Variants in CAMSAP3 observed in about 807,000 individuals in gnomAD.
CAMSAP3 encodes the protein calmodulin-regulated spectrin-associated protein 3.
Under a neutral mutation model 112.5 loss-of-function variants are expected in CAMSAP3, and 34 were observed. The observed-to-expected ratio is 0.30, with a 90% confidence interval of 0.23 to 0.40. The LOEUF is 0.40. Ranked by LOEUF, CAMSAP3 falls within the 10% of genes least tolerant of loss-of-function variation. CAMSAP3 has a pLI of 1.00. For synonymous variants in CAMSAP3, 868 were observed against 799.8 expected (o/e 1.09, Z -1.44); for missense variants, 1,602 against 1,770.3 (o/e 0.90, Z 1.71).
intron 14 of CAMSAP3, among the ~76,000 whole-genome samples, chr19:7,616,956 T>TTG (rs1432918790): frequency 7.0e-6 from 1 of 142,854 alleles, no homozygotes; most frequent in Non-Finnish European, 1.5e-5. Context: ...TTTTTTTTTT[T>TTG]TTGTTTTTTT....
At chr19:7,597,599 A>AC (rs372880309) in intron 1 of CAMSAP3, among the ~76,000 whole-genome samples, 2 of 151,640 alleles carry the variant, frequency 1.3e-5, no homozygotes, top group Admixed American at 1.3e-4. Context: ...AGTGATGGAG[A>AC]CCCCCCGTTA....
At chr19:7,614,124 G>A (rs1266251631) in intron 11 of CAMSAP3, among the ~76,000 whole-genome samples, 3 of 151,468 alleles carry the variant, frequency 2.0e-5, no homozygotes, top group Admixed American at 2.0e-4. Flanking sequence ...AGCTGGCGTG[G>A]TGGCGGGCGC....
rs1413813782 is a variant in CAMSAP3, at chr19:7,605,237, C to G, written c.160C>G (p.Pro54Ala). The part of the protein sequence containing the change: ...AAFGGAEHVP[P>A]ELWEPFYTDQ... The stretch of plus-strand genomic sequence containing the variant: ...CTATGCCCCCACAGAGCACGTGCCC[C>G]CGGAGCTGTGGGAGCCCTTCTATAC... The change falls in exon 2 of 17, where the codon CCG becomes GCG. Residue 54 changes from proline (P) to alanine (A), a missense_variant. Coordinates refer to ENST00000160298, the MANE Select transcript of CAMSAP3 (RefSeq NM_020902.2). 1.3e-6 allele frequency: 2 copies of G among 1,556,326 alleles called. No homozygotes were observed. The highest frequency in any genetic ancestry group is 1.7e-6 in the Non-Finnish European group (2 of 1,150,094).
At chr19:7,606,154 C>CCCCCCCCCCCCTCA in intron 2 of CAMSAP3, 117 bp from the exon 3 acceptor site, 1 of 488,850 alleles carries the variant, frequency 2.0e-6, no homozygotes, top group Non-Finnish European at 3.5e-6. Context: ...CCCTCAAGCC[C>CCCCCCCCCCCCTCA]CACCCCCCCC....
rs2030530262 is a variant in CAMSAP3 at position 7,612,194 on chromosome 19, T to C, written c.1701T>C (p.Phe567=). ...ACTCCGAGGTGAAAATGACCAGCTT[T>C]GCAGAACGCAAGAAACAGCTGGTGA... ...ATNSEVKMTS[F]AERKKQLVKA... The change falls in exon 11 of 17, where the codon TTT becomes TTC. Residue 567 remains phenylalanine (F), a synonymous_variant. Coordinates refer to ENST00000160298, the MANE Select transcript of CAMSAP3 (RefSeq NM_020902.2). 3 of 1,607,474 alleles carry C rather than the reference T, an allele frequency of 1.9e-6. No individual in the cohort carries two copies. The highest frequency in any genetic ancestry group is 2.5e-6 in the Non-Finnish European group (3 of 1,177,522).
At position 7,610,463 on chromosome 19, in the gene CAMSAP3, C is replaced by T. The variant is rs1394565503; in HGVS notation, c.761-13C>T. 1.2e-6 allele frequency: 2 copies of T among 1,603,372 alleles called. No individual in the cohort carries two copies. The highest frequency in any genetic ancestry group is 1.7e-5 in the Admixed American group (1 of 59,234). ...CTCATAGAGTTGGGGACCCACTCCT[C>T]CTGTCCCCACAGAGGTGTGCTTGAA... On this transcript the variant is annotated splice_polypyrimidine_tract_variant and intron_variant, in intron 5 of 16. Transcript: ENST00000160298. This position sits in a 1 kb window ranked among gnomAD's most constrained non-coding sequence, Gnocchi z 4.9.
rs755781749 is a variant in CAMSAP3 at position 7,611,891 on chromosome 19, C to G, written c.1398C>G (p.Ile466Met). 1.3e-6 allele frequency: 2 copies of G among 1,573,334 alleles called. No individual in the cohort carries two copies. The highest frequency in any genetic ancestry group is 2.3e-5 in the South Asian group (2 of 86,058). The part of the protein sequence containing the change: ...LPTIEEALQI[I>M]HSAEPRLLPD... ...CCATCGAGGAAGCTCTGCAGATCAT[C>G]CACAGTGCCGAGCCCCGGCTCCTCC... Residue 466 changes from isoleucine (I) to methionine (M), a missense_variant, in exon 11 of 17, where the codon ATC (isoleucine) becomes ATG (methionine). Physicochemically the swap from Ile to Met is conservative, Grantham distance 10 (BLOSUM62 1). Transcript: ENST00000160298. The surrounding 1 kb of genome is among the most constrained non-coding windows in gnomAD (Gnocchi z 6.9).
At chr19:7,609,441 G>A (rs1280705703) in intron 5 of CAMSAP3, among the ~76,000 whole-genome samples, 1 of 151,724 alleles carries the variant, frequency 6.6e-6, no homozygotes, top group Non-Finnish European at 1.5e-5. Flanking sequence ...GATTACAGGT[G>A]TGAGCCACCA....
chr19:7,616,564 C>T lies in CAMSAP3; in HGVS notation c.3154C>T (p.Leu1052=), dbSNP rs751984099. 2 of 1,613,226 alleles carry T rather than the reference C, an allele frequency of 1.2e-6. No homozygotes were observed. The highest frequency in any genetic ancestry group is 1.7e-6 in the Non-Finnish European group (2 of 1,179,892). Reference sequence around the variant, plus strand: ...AATCTATTCCCAGTCCACCCTGTCACTGTCCACTGTGGCCAACGAGGCCCA... The same window carrying T: ...AATCTATTCCCAGTCCACCCTGTCATTGTCCACTGTGGCCAACGAGGCCCA... The part of the protein sequence containing the change: ...SKIYSQSTLS[L]STVANEAHNN... Residue 1052 remains leucine, a synonymous_variant, in exon 14 of 17, where the codon CTG becomes TTG. Coordinates refer to ENST00000160298, the MANE Select transcript of CAMSAP3 (RefSeq NM_020902.2).
intron 1 of CAMSAP3, among the ~76,000 whole-genome samples, chr19:7,604,408 G>A (rs370769132): frequency 8.5e-5 from 13 of 152,166 alleles, no homozygotes; most frequent in East Asian, 5.8e-4. Flanking sequence ...CCTCAAGGAT[G>A]TCCTCAAAGC....
chr19:7,610,654 T>A lies in CAMSAP3; in HGVS notation c.900+39T>A. The A allele has an allele frequency of 1.2e-6, 2 of 1,613,818 alleles. No homozygotes were observed. Among genetic ancestry groups the A allele is most frequent in the Non-Finnish European group, 1.7e-6 (2 of 1,179,972 alleles). ...GGGGCCTCCTGGGCCGAGGCGGGCA[T>A]CTGGGGCCAGGGGTCCCGTCTGCTG... On this transcript the variant is annotated intron_variant, in intron 6 of 16. Coordinates refer to ENST00000160298, the MANE Select transcript of CAMSAP3 (RefSeq NM_020902.2). The surrounding 1 kb of genome is among the most constrained non-coding windows in gnomAD (Gnocchi z 4.9).
chr19:7,611,099 C>T lies in CAMSAP3; in HGVS notation c.1054C>T (p.Pro352Ser), dbSNP rs375671131. The change falls in exon 9 of 17, where the codon CCT (proline) becomes TCT (serine). Residue 352 changes from proline to serine, a missense_variant. Physicochemically the swap from Pro to Ser is moderately conservative, Grantham distance 74. Around this residue, in one of 6 missense-constraint regions of CAMSAP3, gnomAD observed 1,100 missense variants for 1,135.7 expected, o/e 0.97. Transcript: ENST00000160298. This position sits in a 1 kb window ranked among gnomAD's most constrained non-coding sequence, Gnocchi z 6.9. ...GAAGTACGTCTCTCCGTACAGTTCT[C>T]CTGTCTTCACCTTCCGCCACCCGCT... ...PPQNNSGSSS[P>S]VFTFRHPLLS... 3.7e-6 allele frequency: 6 copies of T among 1,613,788 alleles called. No homozygotes were observed. Among genetic ancestry groups the T allele is most frequent in the Non-Finnish European group, 5.1e-6 (6 of 1,179,948 alleles).
In CAMSAP3 at chr19:7,617,540, T is replaced by C; in HGVS notation, c.3326-3T>C. On this transcript the variant is annotated splice_polypyrimidine_tract_variant and splice_region_variant and intron_variant, in intron 15 of 16. Coordinates refer to ENST00000160298, the MANE Select transcript of CAMSAP3 (RefSeq NM_020902.2). The surrounding 1 kb of genome is among the most constrained non-coding windows in gnomAD (Gnocchi z 7.5). ...CACCCCCTCCCACTGCCTCACCCTC[T>C]AGGTCCACGGCTGTACAAAGAACCC... 6.3e-7 allele frequency: 1 copy of C among 1,575,692 alleles called. No individual in the cohort carries two copies. Among genetic ancestry groups the C allele is most frequent in the Non-Finnish European group, 8.7e-7 (1 of 1,145,110 alleles).
rs367687785 is a variant in CAMSAP3 at position 7,612,772 on chromosome 19, C to T, written c.2279C>T (p.Ala760Val). ...TGPKAASPSP[A>V]RRVPATRRSP... Reference sequence around the variant, plus strand: ...CCCAAAGCTGCATCCCCCAGCCCCGCCCGGCGAGTCCCGGCCACCCGGCGC... The same window carrying T: ...CCCAAAGCTGCATCCCCCAGCCCCGTCCGGCGAGTCCCGGCCACCCGGCGC... The change falls in exon 11 of 17, where the codon GCC becomes GTC. Residue 760 changes from alanine (A) to valine (V), a missense_variant. Ala to Val is a moderately conservative substitution (Grantham distance 64). Around this residue, in one of 6 missense-constraint regions of CAMSAP3, gnomAD observed 1,100 missense variants for 1,135.7 expected, o/e 0.97. Coordinates refer to ENST00000160298, the MANE Select transcript of CAMSAP3 (RefSeq NM_020902.2). The T allele has an allele frequency of 1.7e-3, 2,631 of 1,530,674 alleles. 10 individuals carry two copies. The highest frequency in any genetic ancestry group is 2.0e-3 in the Non-Finnish European group (2,241 of 1,143,746). 94.8% of individuals were successfully genotyped at this position (1,530,674 alleles called of 1,614,324 possible).
At chr19:7,616,393 G>A in intron 13 of CAMSAP3, 130 bp from the exon 14 acceptor site, 1 of 683,406 alleles carries the variant, frequency 1.5e-6, no homozygotes, top group Non-Finnish European at 2.6e-6. Flanking sequence ...CCCCCATAGG[G>A]GTGCTGCAGA....
In CAMSAP3 at chr19:7,615,589, C is replaced by T. The variant is rs879144572; in HGVS notation, c.2982C>T (p.Leu994=). 12 of 1,495,262 alleles carry T rather than the reference C, an allele frequency of 8.0e-6. No individual in the cohort carries two copies. The South Asian group carries it at 9.0e-5, about 11-fold the overall frequency. 92.6% of individuals were successfully genotyped at this position (1,495,262 alleles called of 1,614,324 possible). The change falls in exon 13 of 17, where the codon CTC becomes CTT. Residue 994 remains leucine, a synonymous_variant. Coordinates refer to ENST00000160298, the MANE Select transcript of CAMSAP3 (RefSeq NM_020902.2). The surrounding 1 kb of genome is among the most constrained non-coding windows in gnomAD (Gnocchi z 6.5). ...RRAQLKLMDD[L]DKVLRPRAAG... ...CCCAGCTGAAGCTGATGGACGACCT[C>T]GATAAGGTGCTGCGGCCCCGGGCTG...
Position 7,612,623 on chromosome 19 carries a change from G to A in CAMSAP3, c.2130G>A (p.Leu710=). The change falls in exon 11 of 17, where the codon TTG becomes TTA. Residue 710 remains leucine, a synonymous_variant. Coordinates refer to ENST00000160298, the MANE Select transcript of CAMSAP3 (RefSeq NM_020902.2). The part of the protein sequence containing the change: ...NRAVSKLSAA[L]SSLQRDMQRL... ...CGGTCAGCAAGCTGAGTGCCGCCTT[G>A]AGCTCGCTGCAGCGGGACATGCAGA... The A allele has an allele frequency of 1.3e-6, 2 of 1,526,004 alleles. No individual in the cohort carries two copies. The highest frequency in any genetic ancestry group is 2.4e-5 in the South Asian group (2 of 83,418). The allele number at this position is 1,526,004 out of a possible 1,614,324, so 94.5% of individuals were successfully genotyped here. A position where few individuals can be genotyped will look rare whatever the true frequency, so the allele number is the denominator to read the frequency against.
At position 7,617,277 on chromosome 19, in the gene CAMSAP3, C is replaced by T. The variant is rs766669988; in HGVS notation, c.3213-49C>T. 9.0e-6 allele frequency: 12 copies of T among 1,339,028 alleles called. No homozygotes were observed. Among genetic ancestry groups the T allele is most frequent in the East Asian group, 4.6e-5 (2 of 43,448 alleles). The allele number at this position is 1,339,028 out of a possible 1,614,324, so 82.9% of individuals were successfully genotyped here. A position where few individuals can be genotyped will look rare whatever the true frequency, so the allele number is the denominator to read the frequency against. On this transcript the variant is annotated intron_variant, in intron 14 of 16. Transcript: ENST00000160298. The surrounding 1 kb of genome is among the most constrained non-coding windows in gnomAD (Gnocchi z 7.5). ...GGAAGCTTCCCATCTCTGACCCCAC[C>T]TCCATCCCATCCTGACCCCACCTCC... is the stretch of plus-strand genomic sequence containing the variant.
intron 1 of CAMSAP3, among the ~76,000 whole-genome samples, chr19:7,604,717 T>G (rs1387326882): frequency 6.6e-6 from 1 of 151,882 alleles, no homozygotes; most frequent in African/African-American, 2.4e-5. Flanking sequence ...GAAGAGTTAT[T>G]TGGCCTGGGG....
Sources: gnomAD v4.1 joint callset for allele counts (sites outside exome capture counted in the v4.1 genomes callset) on GRCh38, gnomAD v4.1.1 for gene constraint, gnomAD v4.1.1 regional missense constraint, Gnocchi (gnomAD v3.1) non-coding constraint, MANE v1.5 for transcripts, NCBI Gene and HGNC (gene_info 2026-07-23, HGNC 2026-07-21) for gene names.